JAML: variants seen among roughly 807,000 people sequenced by gnomAD.
JAML encodes junctional adhesion molecule-like.
In JAML, 25 loss-of-function variants were observed where a neutral mutation model predicts 39.3. The observed-to-expected ratio is 0.64, with a 90% CI of 0.46 to 0.89. The LOEUF (loss-of-function observed/expected upper bound fraction) is 0.89, where lower values mean the gene tolerates loss of function less well. Ranked by LOEUF, JAML falls within the 40% of genes least tolerant of loss-of-function variation. The pLI is 0.00. For missense variants in JAML, 440 were observed against 486.9 expected, an observed-to-expected ratio of 0.90 and a Z score of 0.91; for synonymous variants, 162 against 179.2, an observed-to-expected ratio of 0.90 and a Z score of 0.77.
intron 6 of JAML, 59 bp downstream of exon 6, chr11:118,203,369 C>T (rs565191418): frequency 6.7e-7 from 1 of 1,488,538 alleles, no homozygotes; most frequent in South Asian, 1.1e-5. Flanking sequence ...TCACTCTAGT[C>T]CTGGCGCCAT....
Position 118,223,605 on chromosome 11 carries a change from C to A in JAML, c.-21+1336G>T, listed in dbSNP as rs890285911. Among the ~76,000 whole-genome samples, 3 of 152,042 alleles carry A rather than the reference C, an allele frequency of 2.0e-5. No homozygotes were observed. In the East Asian group the frequency reaches 5.8e-4, roughly 29 times the overall value. On this transcript the variant is annotated intron_variant, in intron 1 of 9. Transcript: ENST00000356289. The stretch of plus-strand genomic sequence containing the variant: ...GGTTGGCATCATGCTGTCTTTATTG[C>A]GACCTGCTTGGAAAGTTGACTCTCC...
intron 9 of JAML, among the ~76,000 whole-genome samples, chr11:118,196,242 C>T (rs1346641592): frequency 6.6e-6 from 1 of 151,912 alleles, no homozygotes; most frequent in Non-Finnish European, 1.5e-5. Context: ...ATTCTCGTGC[C>T]TCAGCCTCCC....
chr11:118,193,886 A>G lies in JAML; in HGVS notation c.*439T>C. The G allele has an allele frequency of 5.4e-6, 1 of 184,282 alleles. No individual in the cohort carries two copies. Among genetic ancestry groups the G allele is most frequent in the Non-Finnish European group, 1.2e-5 (1 of 85,564 alleles). 11.4% of individuals were successfully genotyped at this position (184,282 alleles called of 1,614,324 possible). On this transcript the variant is annotated 3_prime_UTR_variant, in exon 10 of 10. Transcript: ENST00000356289. Reference sequence around the variant, plus strand: ...ACTGTAAATTCCTCACCAGGACTTTACTTGCCCCCTCAACCGAGGCATAAA... The same window carrying G: ...ACTGTAAATTCCTCACCAGGACTTTGCTTGCCCCCTCAACCGAGGCATAAA...
At chr11:118,195,750 T>C (rs1384113162) in intron 9 of JAML, among the ~76,000 whole-genome samples, 2 of 152,196 alleles carry the variant, frequency 1.3e-5, no homozygotes, top group Non-Finnish European at 2.9e-5. Flanking sequence ...AACCCTACTT[T>C]GACCTTTTGA....
intron 1 of JAML, among the ~76,000 whole-genome samples, chr11:118,221,345 G>GACAATTTTTCCCCATGGAAA (rs1176720774): frequency 2.6e-5 from 4 of 152,142 alleles, no homozygotes; most frequent in African/African-American, 9.7e-5. Context: ...TGGCACCGGG[G>GACAATTTTTCCCCATGGAAA]ACAATTTTTC....
chr11:118,221,098 G>A (rs1591483182), intron 1 of JAML, among the ~76,000 whole-genome samples: 1 of 152,124 alleles, frequency 6.6e-6, no homozygotes, highest in South Asian at 2.1e-4. Context: ...GTAAAAATCT[G>A]GAAAATCACT....
chr11:118,220,528 C>T (rs1028473568), intron 1 of JAML, among the ~76,000 whole-genome samples: 2 of 152,226 alleles, frequency 1.3e-5, no homozygotes, highest in Admixed American at 6.5e-5. Flanking sequence ...CCCTCAGACT[C>T]TCAAAAAGAA....
intron 9 of JAML, 34 bp from the exon 10 acceptor site, chr11:118,194,451 C>T (rs1217230001): frequency 6.4e-6 from 10 of 1,560,592 alleles, no homozygotes; most frequent in Non-Finnish European, 8.0e-6. Context: ...ACAAAACATG[C>T]TTGTAAGAAG....
Position 118,212,437 on chromosome 11 carries a change from G to A in JAML, c.168C>T (p.Asp56=). The A allele has an allele frequency of 3.1e-6, 5 of 1,614,134 alleles. No individual in the cohort carries two copies. The Middle Eastern group carries it at 8.3e-4, about 266-fold the overall frequency. Residue 56 remains aspartate (D), a synonymous_variant, in exon 3 of 10, where the codon GAC becomes GAT. Coordinates refer to ENST00000356289, the MANE Select transcript of JAML (RefSeq NM_001098526.2). ...STEDKCIFKI[D]WTLSPGEHAK... ...CGTGCTCTCCTGGTGACAGAGTCCA[G>A]TCTATCTTGAATATACATTTGTCTT...
At chr11:118,220,503 T>C (rs142451535) in intron 1 of JAML, among the ~76,000 whole-genome samples, 2 of 152,280 alleles carry the variant, frequency 1.3e-5, no homozygotes, top group Non-Finnish European at 2.9e-5. Flanking sequence ...TCCTAAAACA[T>C]TGAGACAAAT....
At chr11:118,221,698 A>G (rs918104964) in intron 1 of JAML, among the ~76,000 whole-genome samples, 2 of 152,218 alleles carry the variant, frequency 1.3e-5, no homozygotes, top group Non-Finnish European at 2.9e-5. Context: ...CTCAACTGCT[A>G]AAGCTTTGCC....
rs188050043 is a variant in JAML, at chr11:118,194,335, T to G, written c.1175A>C (p.Gln392Pro). Reference protein sequence around the residue: ...KSGGGMPKTQQAF With the variant: ...KSGGGMPKTQPAF Reference sequence around the variant, plus strand: ...GACTCTCCATTCTTCTCAAAAGGCTTGCTGTGTTTTTGGCATTCCCCCACC... The same window carrying G: ...GACTCTCCATTCTTCTCAAAAGGCTGGCTGTGTTTTTGGCATTCCCCCACC... Residue 392 changes from glutamine (Q) to proline (P), a missense_variant, in exon 10 of 10, where the codon CAA becomes CCA. Gln to Pro is a moderately conservative substitution (Grantham distance 76). Transcript: ENST00000356289. 1 of 1,614,062 alleles carries G rather than the reference T, an allele frequency of 6.2e-7. No individual in the cohort carries two copies.
rs542568737 is a variant in JAML, at chr11:118,194,183, T to C, written c.*142A>G. On this transcript the variant is annotated 3_prime_UTR_variant, in exon 10 of 10. Coordinates refer to ENST00000356289, the MANE Select transcript of JAML (RefSeq NM_001098526.2). ...AGTCTCTCTGCCAGGCTCCAAATTCTCCATCTTCAGTGTATTGACCAAACA... is the reference window on the plus strand; with the variant it reads ...AGTCTCTCTGCCAGGCTCCAAATTCCCCATCTTCAGTGTATTGACCAAACA... The C allele has an allele frequency of 1.4e-6, 1 of 723,350 alleles. No homozygotes were observed. The highest frequency in any genetic ancestry group is 1.8e-5 in the African/African-American group (1 of 56,936). The allele number at this position is 723,350 out of a possible 1,614,324, so 44.8% of individuals were successfully genotyped here.
intron 8 of JAML, 36 bp downstream of exon 8, chr11:118,197,962 A>G: frequency 6.3e-7 from 1 of 1,585,858 alleles, no homozygotes; most frequent in Non-Finnish European, 8.7e-7. Context: ...CCAGGCCTGC[A>G]TCTACTTAGT....
At chr11:118,223,245 G>T (rs758631769) in intron 1 of JAML, among the ~76,000 whole-genome samples, 1 of 152,066 alleles carries the variant, frequency 6.6e-6, no homozygotes, top group Non-Finnish European at 1.5e-5. Context: ...TTTTCCATAG[G>T]TCGAACACTG....
chr11:118,218,131 T>C (rs987061651), intron 1 of JAML, among the ~76,000 whole-genome samples: 4 of 152,206 alleles, frequency 2.6e-5, no homozygotes, highest in African/African-American at 9.7e-5. Context: ...TTCAGTCTTG[T>C]TGCCCAGGCT....
At chr11:118,218,222 T>C (rs1300153309) in intron 1 of JAML, among the ~76,000 whole-genome samples, 1 of 152,086 alleles carries the variant, frequency 6.6e-6, no homozygotes, top group Non-Finnish European at 1.5e-5. Context: ...GCCTCCTGAG[T>C]AGCTGGGATT....
At position 118,203,622 on chromosome 11, in the gene JAML, A is replaced by G. The variant is rs1793174; in HGVS notation, c.578T>C (p.Val193Ala). The G allele has an allele frequency of 0.76, 1,230,989 of 1,613,652 alleles. 471,080 individuals are homozygous for G. Among genetic ancestry groups the G allele is most frequent in the African/African-American group, 0.91 (68,156 of 74,962 alleles). The change falls in exon 6 of 10, where the codon GTG becomes GCG. Residue 193 changes from valine (V) to alanine (A), a missense_variant. Coordinates refer to ENST00000356289, the MANE Select transcript of JAML (RefSeq NM_001098526.2). Reference sequence around the variant, plus strand: ...GTGGCCCCAGCTCTGGGAGTACTCCACAGACATCCTGAGTTTGTGGTAGTA... The same window carrying G: ...GTGGCCCCAGCTCTGGGAGTACTCCGCAGACATCCTGAGTTTGTGGTAGTA... Reference protein sequence around the residue: ...FRYYHKLRMSVEYSQSWGHFQ... With the variant: ...FRYYHKLRMSAEYSQSWGHFQ...
At chr11:118,211,964 A>G (rs1591477023) in intron 3 of JAML, among the ~76,000 whole-genome samples, 1 of 152,172 alleles carries the variant, frequency 6.6e-6, no homozygotes, top group Non-Finnish European at 1.5e-5. Context: ...TCATTGTGGT[A>G]TAGTTCTTAT....
Sources: allele counts gnomAD v4.1 joint callset (sites outside exome capture counted in the v4.1 genomes callset), GRCh38; gene constraint gnomAD v4.1.1; transcripts MANE v1.5; gene names NCBI Gene and HGNC (gene_info 2026-07-23, HGNC 2026-07-21).